The following ACTR3C variants were observed in gnomAD, a reference collection of about 807,000 sequenced individuals.
ACTR3C encodes the protein actin-related protein 3C.
ACTR3C carries 18 observed loss-of-function variants against 26.3 expected under a neutral mutation model. The ratio of observed to expected loss-of-function variants is 0.68; its 90% CI spans 0.47 to 1.01. The LOEUF is 1.01. Among genes scored for constraint, ACTR3C ranks in the 50% least tolerant of loss-of-function variants. The pLI is 0.00. For missense variants in ACTR3C, 184 were observed against 250.7 expected, an observed-to-expected ratio of 0.73 and a Z score of 1.80; for synonymous variants, 55 against 94.5, an observed-to-expected ratio of 0.58 and a Z score of 2.42.
intron 6 of ACTR3C, among the ~76,000 whole-genome samples, chr7:150,281,161 C>T (rs1835302449): frequency 6.6e-6 from 1 of 152,066 alleles, no homozygotes; most frequent in Non-Finnish European, 1.5e-5. Context: ...AAGAGTGACC[C>T]AGCAGGTTGG....
At chr7:150,176,308 A>G in the ACTR3C span, among the ~76,000 whole-genome samples, 2 of 150,604 alleles carry the variant, frequency 1.3e-5, no homozygotes, top group South Asian at 4.2e-4. Flanking sequence ...CAAAATGACT[A>G]GTTGCTCCGT....
chr7:150,181,877 C>T, the ACTR3C span, among the ~76,000 whole-genome samples: 9 of 150,476 alleles, frequency 6.0e-5, no homozygotes, highest in African/African-American at 2.3e-4. Context: ...TGTTGGATCC[C>T]CTTGTGCCAG....
chr7:150,016,101 T>A, the ACTR3C span, among the ~76,000 whole-genome samples: 723 of 146,434 alleles, frequency 4.9e-3, 9 homozygotes, highest in East Asian at 0.03. Flanking sequence ...TCCCCCACAG[T>A]GGGCCTCACT....
the ACTR3C span, among the ~76,000 whole-genome samples, chr7:150,093,011 A>G: frequency 6.6e-6 from 1 of 151,550 alleles, no homozygotes; most frequent in African/African-American, 2.4e-5. Flanking sequence ...AGCGTTGGCT[A>G]AAAAAGAAAT....
intron 6 of ACTR3C, among the ~76,000 whole-genome samples, chr7:150,283,662 CTA>C (rs1222467294): frequency 6.6e-6 from 1 of 151,996 alleles, no homozygotes; most frequent in Non-Finnish European, 1.5e-5. Context: ...TATACTATAG[CTA>C]TCTTTTCATC....
chr7:150,163,162 GA>G, the ACTR3C span, among the ~76,000 whole-genome samples: 2 of 146,240 alleles, frequency 1.4e-5, no homozygotes, highest in Admixed American at 6.7e-5. Flanking sequence ...TCAAAAAAAA[GA>G]AAAAAAAGTA....
intron 1 of ACTR3C, among the ~76,000 whole-genome samples, chr7:150,310,350 C>T (rs1216709300): frequency 2.6e-5 from 4 of 152,154 alleles, no homozygotes; most frequent in African/African-American, 7.2e-5. Context: ...TCCCATCCCA[C>T]ACCAGGATTT....
At chr7:150,267,463 T>C (rs1426887427) in intron 6 of ACTR3C, among the ~76,000 whole-genome samples, 1 of 152,178 alleles carries the variant, frequency 6.6e-6, no homozygotes, top group African/African-American at 2.4e-5. Flanking sequence ...CCACCTGCCC[T>C]GAGTCACTCA....
the ACTR3C span, among the ~76,000 whole-genome samples, chr7:149,932,716 G>T: frequency 8.0e-5 from 12 of 150,224 alleles, no homozygotes; most frequent in African/African-American, 2.9e-4. Flanking sequence ...AAGGAGGGGA[G>T]TGGAGGGGAG....
At chr7:150,199,734 A>AAAC in the ACTR3C span, among the ~76,000 whole-genome samples, 7 of 134,800 alleles carry the variant, frequency 5.2e-5, no homozygotes, top group Non-Finnish European at 1.1e-4. Context: ...TCAAAAAAAA[A>AAAC]AAAAAAAAAA....
At chr7:150,138,847 C>T in the ACTR3C span, among the ~76,000 whole-genome samples, 1 of 152,310 alleles carries the variant, frequency 6.6e-6, no homozygotes, top group Non-Finnish European at 1.5e-5. Flanking sequence ...AGGTCAGCTG[C>T]AGCATCAGAT....
chr7:150,130,056 G>T, the ACTR3C span, among the ~76,000 whole-genome samples: 1 of 152,120 alleles, frequency 6.6e-6, no homozygotes, highest in Non-Finnish European at 1.5e-5. Context: ...CAATAAAAGT[G>T]CAAGTAAAAG....
the ACTR3C span, among the ~76,000 whole-genome samples, chr7:149,977,158 G>C: frequency 6.6e-6 from 1 of 151,852 alleles, no homozygotes; most frequent in Non-Finnish European, 1.5e-5. Context: ...TCATCTACCT[G>C]TATGCTAGCA....
intron 4 of ACTR3C, 30 bp downstream of exon 4, chr7:150,289,420 C>T (rs1210805689): frequency 1.9e-6 from 3 of 1,554,644 alleles, no homozygotes; most frequent in African/African-American, 1.5e-5. Flanking sequence ...CTCTCACCCC[C>T]AAACCAGCCG....
chr7:150,155,505 G>C, the ACTR3C span, among the ~76,000 whole-genome samples: 1 of 152,108 alleles, frequency 6.6e-6, no homozygotes, highest in Non-Finnish European at 1.5e-5. Context: ...TCTTCATCTA[G>C]CTCAGCAAAA....
the ACTR3C span, among the ~76,000 whole-genome samples, chr7:150,228,896 AT>A: frequency 7.3e-6 from 1 of 137,886 alleles, no homozygotes; most frequent in African/African-American, 3.2e-5. Flanking sequence ...GTATATATAT[AT>A]AGAGAGAGTG....
chr7:150,032,656 G>C, the ACTR3C span, among the ~76,000 whole-genome samples: 1 of 151,434 alleles, frequency 6.6e-6, no homozygotes, highest in Non-Finnish European at 1.5e-5. Context: ...GAGTTAGGGA[G>C]ACAGACAGAA....
At chr7:150,041,372 G>A in the ACTR3C span, 1 of 150,512 alleles carries the variant, frequency 6.6e-6, no homozygotes, top group Non-Finnish European at 1.5e-5. Context: ...GCTGCGTTCG[G>A]ACCCGTCTGA....
chr7:150,194,844 A>G, the ACTR3C span, among the ~76,000 whole-genome samples: 1 of 152,134 alleles, frequency 6.6e-6, no homozygotes, highest in Non-Finnish European at 1.5e-5. Flanking sequence ...CTGTAATCCC[A>G]GCACTTTAGA....
Sources: gnomAD v4.1 joint callset for allele counts (sites outside exome capture counted in the v4.1 genomes callset) on GRCh38, gnomAD v4.1.1 for gene constraint, MANE v1.5 for transcripts, NCBI Gene and HGNC (gene_info 2026-07-23, HGNC 2026-07-21) for gene names.